DGLUCY: variants seen among roughly 807,000 people sequenced by gnomAD.
DGLUCY encodes D-glutamate cyclase, mitochondrial.
DGLUCY carries 58 observed loss-of-function variants against 58.5 expected under a neutral mutation model. That is an observed-to-expected ratio of 0.99 (90% confidence interval 0.80 to 1.23). The LOEUF is 1.23. Ranked by LOEUF, DGLUCY falls within the 50% of genes most tolerant of loss-of-function variation. The probability of loss-of-function intolerance (pLI) is 0.00; values close to 1 mark genes in which losing one functional copy is unlikely to be tolerated. For synonymous variants in DGLUCY, 325 were observed against 314.1 expected, an observed-to-expected ratio of 1.03 and a Z score of -0.37; for missense variants, 779 against 784.7, an observed-to-expected ratio of 0.99 and a Z score of 0.09.
chr14:91,121,418 G>A (rs10130721), intron 1 of DGLUCY, among the ~76,000 whole-genome samples: 1,946 of 152,252 alleles, frequency 0.013, 51 homozygotes, highest in African/African-American at 0.044. Context: ...GCTGGGCGCA[G>A]TGGCTCACGC....
At chr14:91,078,693 T>G (rs895414752) in intron 1 of DGLUCY, among the ~76,000 whole-genome samples, 11 of 151,946 alleles carry the variant, frequency 7.2e-5, no homozygotes, top group Non-Finnish European at 1.5e-4. Context: ...CACATTGAAG[T>G]TTTGGGGTTT....
intron 1 of DGLUCY, among the ~76,000 whole-genome samples, chr14:91,102,912 C>G (rs970173783): frequency 6.6e-6 from 1 of 151,964 alleles, no homozygotes; most frequent in East Asian, 1.9e-4. Context: ...CAGGTACCCC[C>G]CATCATGACT....
At chr14:91,194,698 G>A (rs908337852) in intron 9 of DGLUCY, among the ~76,000 whole-genome samples, 2 of 152,050 alleles carry the variant, frequency 1.3e-5, no homozygotes, top group East Asian at 1.9e-4. Context: ...CCGCCACCAC[G>A]CCCAGCTAAT....
At chr14:91,121,650 A>G (rs2140143458) in intron 1 of DGLUCY, among the ~76,000 whole-genome samples, 1 of 136,890 alleles carries the variant, frequency 7.3e-6, no homozygotes, top group East Asian at 2.1e-4. Context: ...AATAATAATA[A>G]TAATTTCAAG....
intron 4 of DGLUCY, 164 bp downstream of exon 4, chr14:91,167,542 A>G: frequency 1.1e-6 from 1 of 871,606 alleles, no homozygotes; most frequent in Non-Finnish European, 1.9e-6. Context: ...TGCCCTCCCC[A>G]CTGTTCTGAC....
intron 1 of DGLUCY, among the ~76,000 whole-genome samples, chr14:91,098,531 A>G (rs2044432555): frequency 6.6e-6 from 1 of 152,188 alleles, no homozygotes; most frequent in South Asian, 2.1e-4. Context: ...TAACTTATTA[A>G]ATTATGTTTA....
intron 11 of DGLUCY, 133 bp from the exon 12 acceptor site, chr14:91,204,573 T>A: frequency 1.6e-6 from 2 of 1,229,980 alleles, no homozygotes. Flanking sequence ...CAACTCCTGG[T>A]TGTCTGAAAA....
At chr14:91,096,507 T>C (rs10134984) in intron 1 of DGLUCY, among the ~76,000 whole-genome samples, 7,027 of 152,092 alleles carry the variant, frequency 0.046, 492 homozygotes, top group African/African-American at 0.15. Context: ...TGACTCCTCC[T>C]GGGGCCAAGT....
chr14:91,186,167 T>G (rs776452005), intron 8 of DGLUCY, among the ~76,000 whole-genome samples: 2 of 152,180 alleles, frequency 1.3e-5, no homozygotes, highest in Non-Finnish European at 2.9e-5. Flanking sequence ...CACTCTCCTC[T>G]TCTCCCTTTG....
intron 1 of DGLUCY, among the ~76,000 whole-genome samples, chr14:91,086,554 G>T (rs1272831912): frequency 6.6e-6 from 1 of 152,048 alleles, no homozygotes; most frequent in Non-Finnish European, 1.5e-5. Context: ...AAGAAAAAAA[G>T]CCTGTACATG....
intron 1 of DGLUCY, chr14:91,060,708 A>G: frequency 3.0e-6 from 1 of 335,614 alleles, no homozygotes; most frequent in Non-Finnish European, 5.3e-6. Context: ...CAGCAAGGTA[A>G]GGGAGCCATT....
intron 1 of DGLUCY, among the ~76,000 whole-genome samples, chr14:91,127,962 C>CATTG (rs1246333971): frequency 4.7e-5 from 7 of 150,454 alleles, no homozygotes; most frequent in Non-Finnish European, 1.0e-4. Context: ...TTTCCAGCCT[C>CATTG]ATTGAGCATG....
At chr14:91,084,489 G>A (rs1324323016) in intron 1 of DGLUCY, among the ~76,000 whole-genome samples, 1 of 152,040 alleles carries the variant, frequency 6.6e-6, no homozygotes, top group Non-Finnish European at 1.5e-5. Context: ...ACAGGGATGA[G>A]CCACCACGCC....
chr14:91,112,924 A>G (rs1387085571), upstream of DGLUCY, among the ~76,000 whole-genome samples: 1 of 144,850 alleles, frequency 6.9e-6, no homozygotes, highest in Non-Finnish European at 1.5e-5. Flanking sequence ...GCGTGAACCC[A>G]GGAGGCGGAG....
intron 1 of DGLUCY, among the ~76,000 whole-genome samples, chr14:91,101,740 G>A (rs1047405628): frequency 2.0e-5 from 3 of 152,198 alleles, no homozygotes; most frequent in Non-Finnish European, 4.4e-5. Flanking sequence ...ACAGGATCTT[G>A]CTCTGTTACC....
rs146086103 is a variant in DGLUCY at position 91,119,242 on chromosome 14, C to T, written c.-82+4959C>T. 8.6e-4 allele frequency among the ~76,000 whole-genome samples: 131 copies of T among 152,270 alleles called. 1 individual carries two copies. The highest frequency in any genetic ancestry group is 3.7e-4 in the Non-Finnish European group (25 of 68,026). ...CCCTTTTCTGCATAGTCAAAAGTGACTCAACATCACCTTCACCTTCTGTTC... is the reference window on the plus strand; with the variant it reads ...CCCTTTTCTGCATAGTCAAAAGTGATTCAACATCACCTTCACCTTCTGTTC... On this transcript the variant is annotated intron_variant, in intron 1 of 13. Coordinates refer to ENST00000256324, the MANE Select transcript of DGLUCY (RefSeq NM_001102368.3).
intron 1 of DGLUCY, among the ~76,000 whole-genome samples, chr14:91,115,763 G>A (rs769269213): frequency 2.0e-5 from 3 of 152,188 alleles, no homozygotes; most frequent in Admixed American, 6.5e-5. Context: ...CTAGATCCCC[G>A]GAGGCCAACT....
chr14:91,201,006 T>C (rs1372346517), intron 11 of DGLUCY, among the ~76,000 whole-genome samples: 1 of 151,908 alleles, frequency 6.6e-6, no homozygotes, highest in Admixed American at 6.6e-5. Flanking sequence ...GGGAGGATAT[T>C]ACAAAGTACC....
chr14:91,161,092 G>A (rs989670435), intron 3 of DGLUCY, among the ~76,000 whole-genome samples: 1 of 152,182 alleles, frequency 6.6e-6, no homozygotes, highest in Non-Finnish European at 1.5e-5. Flanking sequence ...TTGAGACGTA[G>A]TCTCGCTCTG....
Sources: gnomAD v4.1 joint callset for allele counts (sites outside exome capture counted in the v4.1 genomes callset) on GRCh38, gnomAD v4.1.1 for gene constraint, MANE v1.5 for transcripts, NCBI Gene and HGNC (gene_info 2026-07-23, HGNC 2026-07-21) for gene names.